Variants in SYNPR observed in about 807,000 individuals in gnomAD.
The protein encoded by SYNPR is synaptoporin.
SYNPR carries 23 observed loss-of-function variants against 32.9 expected under a neutral mutation model. The observed-to-expected ratio is 0.70, with a 90% confidence interval of 0.50 to 0.99. SYNPR has a LOEUF of 0.99. SYNPR is among the 50% of genes least tolerant of loss of function. SYNPR has a pLI of 0.00. For missense variants in SYNPR, 318 were observed against 349.3 expected (o/e 0.91, Z 0.71); for synonymous variants, 146 against 135.9 (o/e 1.07, Z -0.52).
At chr3:63,452,342 A>C (rs1700394287) in intron 2 of SYNPR, among the ~76,000 whole-genome samples, 1 of 152,204 alleles carries the variant, frequency 6.6e-6, no homozygotes, top group Non-Finnish European at 1.5e-5. Flanking sequence ...AGTGCTAAAA[A>C]TAAAAGCTAA....
intron 3 of SYNPR, among the ~76,000 whole-genome samples, chr3:63,554,095 ATTTG>A (rs1264392253): frequency 6.6e-6 from 1 of 151,930 alleles, no homozygotes; most frequent in Non-Finnish European, 1.5e-5. Flanking sequence ...TTGCTTGTTG[ATTTG>A]TTTAAGTTCT....
chr3:63,330,790 T>G (rs1345875924), intron 2 of SYNPR, among the ~76,000 whole-genome samples: 4 of 152,156 alleles, frequency 2.6e-5, no homozygotes, highest in Non-Finnish European at 4.4e-5. Flanking sequence ...AAGTGACTTG[T>G]CCAAGGTTGT....
rs188394149 is a variant in SYNPR at position 63,513,910 on chromosome 3, G to T, written c.209+32954G>T. Reference sequence around the variant, plus strand: ...TCCCAGGAGGGCATCTTGCTAAAATGAAGCCCTTTATATTTAATTCATAAA... The same window carrying T: ...TCCCAGGAGGGCATCTTGCTAAAATTAAGCCCTTTATATTTAATTCATAAA... On this transcript the variant is annotated intron_variant, in intron 3 of 5. Coordinates refer to ENST00000478300, the MANE Select transcript of SYNPR (RefSeq NM_001130003.2). 5.0e-3 allele frequency among the ~76,000 whole-genome samples: 754 copies of T among 152,224 alleles called. 10 individuals carry two copies. Among genetic ancestry groups the T allele is most frequent in the African/African-American group, 0.017 (694 of 41,546 alleles).
At chr3:63,527,351 T>A (rs1388684803) in intron 3 of SYNPR, among the ~76,000 whole-genome samples, 1 of 151,372 alleles carries the variant, frequency 6.6e-6, no homozygotes, top group African/African-American at 2.4e-5. Context: ...ACTTCCAAAT[T>A]ACCAACCACA....
chr3:63,445,473 CTT>C, intron 2 of SYNPR: 3 of 674,786 alleles, frequency 4.4e-6, no homozygotes, highest in Non-Finnish European at 8.0e-6. Context: ...GCATTAAAGA[CTT>C]TTGTCATTTG....
At chr3:63,364,441 T>C (rs761490106) in intron 2 of SYNPR, among the ~76,000 whole-genome samples, 2 of 152,210 alleles carry the variant, frequency 1.3e-5, no homozygotes, top group African/African-American at 2.4e-5. Context: ...GAAGAAGTCA[T>C]ACTAGAAGTA....
chr3:63,207,981 T>C, the SYNPR span, among the ~76,000 whole-genome samples: 1 of 152,096 alleles, frequency 6.6e-6, no homozygotes, highest in Admixed American at 6.6e-5. Flanking sequence ...GATCTTGGTT[T>C]TGAGATGGTC....
At chr3:63,329,035 G>C (rs909256446) in intron 2 of SYNPR, among the ~76,000 whole-genome samples, 2 of 152,084 alleles carry the variant, frequency 1.3e-5, no homozygotes, top group Non-Finnish European at 2.9e-5. Context: ...AATAGGAGCA[G>C]TCTCCTAGTT....
At chr3:63,586,455 C>A (rs1008112948) in intron 4 of SYNPR, among the ~76,000 whole-genome samples, 14 of 151,884 alleles carry the variant, frequency 9.2e-5, no homozygotes, top group South Asian at 4.1e-4. Context: ...AAAGCCCATA[C>A]ACAAAGAAAA....
chr3:63,481,046 G>A (rs545438265), intron 3 of SYNPR, 90 bp downstream of exon 3: 1 of 1,506,890 alleles, frequency 6.6e-7, no homozygotes, highest in African/African-American at 1.4e-5. Flanking sequence ...GTCTTCCAGG[G>A]ACTTCTGGGT....
At chr3:63,243,411 G>C (rs1330428281) in intron 1 of SYNPR, among the ~76,000 whole-genome samples, 1 of 152,060 alleles carries the variant, frequency 6.6e-6, no homozygotes, top group Non-Finnish European at 1.5e-5. Context: ...TTGAGTAATT[G>C]CTGTGGACAA....
chr3:63,585,000 T>C (rs1011417870), intron 4 of SYNPR, among the ~76,000 whole-genome samples: 1 of 152,084 alleles, frequency 6.6e-6, no homozygotes, highest in Admixed American at 6.6e-5. Flanking sequence ...TTGTCGTGCA[T>C]AAAGTTGAAG....
chr3:63,492,568 G>C (rs564376786), intron 3 of SYNPR, among the ~76,000 whole-genome samples: 1 of 152,312 alleles, frequency 6.6e-6, no homozygotes, highest in Admixed American at 6.5e-5. Context: ...TAAAGACCAG[G>C]ATTGGGGCAC....
At chr3:63,314,435 A>G (rs11130923) in intron 2 of SYNPR, among the ~76,000 whole-genome samples, 31,635 of 151,566 alleles carry the variant, frequency 0.21, 3,776 homozygotes, top group South Asian at 0.37. Context: ...GTGGTATTAC[A>G]TTGTAGTTTT....
At chr3:63,529,847 A>T (rs1422208650) in intron 3 of SYNPR, among the ~76,000 whole-genome samples, 1 of 152,164 alleles carries the variant, frequency 6.6e-6, no homozygotes, top group Non-Finnish European at 1.5e-5. Context: ...CAATTTAGGT[A>T]CCTAACACAC....
upstream of SYNPR, among the ~76,000 whole-genome samples, chr3:63,224,051 A>G (rs1294881110): frequency 6.6e-6 from 1 of 152,146 alleles, no homozygotes; most frequent in Admixed American, 6.5e-5. Flanking sequence ...AGACTTGCAA[A>G]TTGTTTATGG....
intron 2 of SYNPR, among the ~76,000 whole-genome samples, chr3:63,462,795 T>C (rs544268924): frequency 7.9e-5 from 12 of 152,304 alleles, no homozygotes; most frequent in African/African-American, 2.9e-4. Context: ...CATTATAATA[T>C]GCAGTTACAA....
intron 1 of SYNPR, among the ~76,000 whole-genome samples, chr3:63,236,761 G>T (rs1045937152): frequency 5.9e-5 from 9 of 152,174 alleles, no homozygotes; most frequent in Admixed American, 3.9e-4. Flanking sequence ...GAGTATTTTT[G>T]TAGGTTATTT....
At chr3:63,209,753 A>G in the SYNPR span, among the ~76,000 whole-genome samples, 1 of 152,202 alleles carries the variant, frequency 6.6e-6, no homozygotes, top group Admixed American at 6.5e-5. Context: ...CCATGTCTCT[A>G]ACTTACACAC....
Sources: allele counts gnomAD v4.1 joint callset (sites outside exome capture counted in the v4.1 genomes callset), GRCh38; gene constraint gnomAD v4.1.1; transcripts MANE v1.5; gene names NCBI Gene and HGNC (gene_info 2026-07-23, HGNC 2026-07-21).